IL20RA: variants seen among roughly 807,000 people sequenced by gnomAD.
IL20RA encodes the protein interleukin-20 receptor subunit alpha.
In IL20RA, 29 loss-of-function variants were observed where a neutral mutation model predicts 36.5. That is an observed-to-expected ratio of 0.79 (90% CI 0.59 to 1.08). The LOEUF (loss-of-function observed/expected upper bound fraction) is 1.08. Among genes scored for constraint, IL20RA ranks in the 50% least tolerant of loss-of-function variants. IL20RA has a pLI of 0.00. For missense variants in IL20RA, 652 were observed against 668.4 expected (o/e 0.98, Z 0.27); for synonymous variants, 279 against 267.1 (o/e 1.04, Z -0.43).
At chr6:137,044,541 G>T in intron 1 of IL20RA, 100 bp downstream of exon 1, 1 of 1,144,296 alleles carries the variant, frequency 8.7e-7, no homozygotes, top group Non-Finnish European at 1.1e-6. Context: ...GCGAAACCTG[G>T]CCGGCGGGCA....
At chr6:137,018,719 C>T (rs1775794775) in intron 1 of IL20RA, among the ~76,000 whole-genome samples, 1 of 152,118 alleles carries the variant, frequency 6.6e-6, no homozygotes, top group South Asian at 2.1e-4. Context: ...CTACTAGGTT[C>T]TCAATTTTAA....
At position 137,038,490 on chromosome 6, in the gene IL20RA, C is replaced by T. The variant is rs555551864; in HGVS notation, c.88+6151G>A. Among the ~76,000 whole-genome samples, 23 of 152,188 alleles carry T rather than the reference C, an allele frequency of 1.5e-4. No individual in the cohort carries two copies. The South Asian group carries it at 4.6e-3, about 30-fold the overall frequency. Reference sequence around the variant, plus strand: ...GGGATTACAGGCATGACCCATTGCCCTTGGCCTTGTTCTCCAATTTTATAT... The same window carrying T: ...GGGATTACAGGCATGACCCATTGCCTTTGGCCTTGTTCTCCAATTTTATAT... On this transcript the variant is annotated intron_variant, in intron 1 of 6. Transcript: ENST00000316649.
At chr6:137,044,450 G>C in intron 1 of IL20RA, 191 bp downstream of exon 1, 1 of 842,550 alleles carries the variant, frequency 1.2e-6, no homozygotes, top group Non-Finnish European at 1.6e-6. Flanking sequence ...GCGAGGCGAC[G>C]GCGAGTGTCC....
chr6:137,031,542 G>A (rs1350234489), intron 1 of IL20RA, among the ~76,000 whole-genome samples: 1 of 152,196 alleles, frequency 6.6e-6, no homozygotes, highest in South Asian at 2.1e-4. Flanking sequence ...TAGCCTAGGG[G>A]TAAATTGGCT....
chr6:137,029,163 C>T (rs1201236754), intron 1 of IL20RA, among the ~76,000 whole-genome samples: 1 of 152,206 alleles, frequency 6.6e-6, no homozygotes, highest in African/African-American at 2.4e-5. Context: ...AGTCCCACTA[C>T]TTTATGTCAT....
At chr6:137,018,493 CAATT>C (rs1775781239) in intron 1 of IL20RA, among the ~76,000 whole-genome samples, 1 of 146,566 alleles carries the variant, frequency 6.8e-6, no homozygotes, top group East Asian at 2.0e-4. Context: ...GAAGCACAAT[CAATT>C]GACCACTGCC....
rs1776846101 is a variant in IL20RA, at chr6:137,044,779, A to G, written c.-51T>C. The G allele has an allele frequency of 7.5e-6, 9 of 1,205,638 alleles. No individual in the cohort carries two copies. The South Asian group carries it at 2.9e-4, about 39-fold the overall frequency. The allele number at this position is 1,205,638 out of a possible 1,614,324, so 74.7% of individuals were successfully genotyped here. ...GGGGGGCAGCAGACTGCTCAGTCCCACGCCCGCTGGGGCCAAGCGCGGCCG... is the reference window on the plus strand; with the variant it reads ...GGGGGGCAGCAGACTGCTCAGTCCCGCGCCCGCTGGGGCCAAGCGCGGCCG... On this transcript the variant is annotated 5_prime_UTR_variant, in exon 1 of 7. Transcript: ENST00000316649.
chr6:137,001,873 T>A lies in IL20RA; in HGVS notation c.1347A>T (p.Ser449=), dbSNP rs1283294420. The change falls in exon 7 of 7, where the codon TCA becomes TCT. Residue 449 remains serine (S), a synonymous_variant. Coordinates refer to ENST00000316649, the MANE Select transcript of IL20RA (RefSeq NM_014432.4). ...AVLGPQTLQY[S]YTPQLQDLDP... ...CTAAGTCTTGGAGCTGAGGGGTGTA[T>A]GAGTACTGTAACGTTTGCGGGCCCA... 3 of 1,613,656 alleles carry A rather than the reference T, an allele frequency of 1.9e-6. No individual in the cohort carries two copies. Among genetic ancestry groups the A allele is most frequent in the Non-Finnish European group, 2.5e-6 (3 of 1,179,864 alleles).
chr6:137,024,522 T>C (rs950011495), intron 1 of IL20RA, among the ~76,000 whole-genome samples: 2 of 152,238 alleles, frequency 1.3e-5, no homozygotes, highest in Non-Finnish European at 2.9e-5. Context: ...AGTTTTATGT[T>C]TGGGGAGTGC....
intron 6 of IL20RA, among the ~76,000 whole-genome samples, chr6:137,004,391 GT>G (rs1242306713): frequency 6.6e-6 from 1 of 152,076 alleles, no homozygotes; most frequent in Non-Finnish European, 1.5e-5. Context: ...GGCCAGGCTG[GT>G]CTTGAACTTC....
intron 5 of IL20RA, among the ~76,000 whole-genome samples, chr6:137,005,667 T>TTG (rs1287991460): frequency 9.2e-5 from 14 of 151,748 alleles, no homozygotes; most frequent in African/African-American, 2.4e-4. Flanking sequence ...TGTTGTTGTT[T>TTG]TTTTTAATGG....
At chr6:137,004,161 T>G (rs1439437977) in intron 6 of IL20RA, among the ~76,000 whole-genome samples, 1,281 of 15,004 alleles carry the variant, frequency 0.085, 295 homozygotes, top group East Asian at 0.59. Flanking sequence ...CCAGAAAGCT[T>G]TTTTTTTTTT....
At chr6:137,007,647 G>A (rs1340486361) in intron 5 of IL20RA, among the ~76,000 whole-genome samples, 1 of 152,178 alleles carries the variant, frequency 6.6e-6, no homozygotes, top group African/African-American at 2.4e-5. Flanking sequence ...ACAACTCTAT[G>A]TCTTCTCATA....
chr6:137,016,889 G>C (rs1775707980), intron 2 of IL20RA, 79 bp downstream of exon 2: 1 of 1,260,968 alleles, frequency 7.9e-7, no homozygotes, highest in Non-Finnish European at 1.1e-6. Context: ...TAATACCACG[G>C]AGAGTTTATC....
At chr6:137,015,898 C>A (rs1262000217) in intron 2 of IL20RA, among the ~76,000 whole-genome samples, 1 of 152,090 alleles carries the variant, frequency 6.6e-6, no homozygotes, top group East Asian at 1.9e-4. Flanking sequence ...CTCATGCGAT[C>A]CAGAAGTCTT....
rs1775350808 is a variant in IL20RA, at chr6:137,008,521, C to T, written c.724+78G>A. The T allele has an allele frequency of 3.5e-6, 5 of 1,412,540 alleles. No individual in the cohort carries two copies. The East Asian group carries it at 7.4e-5, about 21-fold the overall frequency. The allele number at this position is 1,412,540 out of a possible 1,614,324, so 87.5% of individuals were successfully genotyped here. A position where few individuals can be genotyped will look rare whatever the true frequency, so the allele number is the denominator to read the frequency against. ...TCTGTTAGACACGGATTTGTCAAAA[C>T]CTTGTCTAAACCATCATACCGACTT... On this transcript the variant is annotated intron_variant, in intron 5 of 6. Coordinates refer to ENST00000316649, the MANE Select transcript of IL20RA (RefSeq NM_014432.4).
At chr6:137,018,674 A>G (rs184805707) in intron 1 of IL20RA, among the ~76,000 whole-genome samples, 469 of 152,224 alleles carry the variant, frequency 3.1e-3, no homozygotes, top group African/African-American at 0.011. Flanking sequence ...ACATAGAGTG[A>G]ATATTTATCA....
At chr6:137,002,694 G>A (rs1775122492) in intron 6 of IL20RA, among the ~76,000 whole-genome samples, 1 of 152,210 alleles carries the variant, frequency 6.6e-6, no homozygotes, top group South Asian at 2.1e-4. Flanking sequence ...CAGAATCTCA[G>A]CCACATGAAG....
chr6:137,036,047 T>C (rs1294060118), intron 1 of IL20RA, among the ~76,000 whole-genome samples: 2 of 152,204 alleles, frequency 1.3e-5, no homozygotes, highest in East Asian at 3.8e-4. Context: ...TAAATGTCTT[T>C]AGTCTTTATT....
Sources: gnomAD v4.1 joint callset for allele counts (sites outside exome capture counted in the v4.1 genomes callset) on GRCh38, gnomAD v4.1.1 for gene constraint, MANE v1.5 for transcripts, NCBI Gene and HGNC (gene_info 2026-07-23, HGNC 2026-07-21) for gene names.